Variants in FBXO34 observed in about 807,000 individuals in gnomAD.
The protein encoded by FBXO34 is F-box protein 34, also known as F-box only protein 34.
A neutral mutation model predicts 24.5 loss-of-function variants in FBXO34; 12 were observed. The observed-to-expected ratio is 0.49, with a 90% CI of 0.31 to 0.79. The LOEUF (loss-of-function observed/expected upper bound fraction) is 0.79, where lower values mean the gene tolerates loss of function less well. FBXO34 is among the 30% of genes least tolerant of loss of function. The probability of loss-of-function intolerance (pLI) is 0.04; values close to 1 mark genes in which losing one functional copy is unlikely to be tolerated. For missense variants in FBXO34, 823 were observed against 857.7 expected, an observed-to-expected ratio of 0.96 and a Z score of 0.51; for synonymous variants, 320 against 311.9, an observed-to-expected ratio of 1.03 and a Z score of -0.27.
downstream of FBXO34, chr14:55,369,501 C>CAA: frequency 3.8e-6 from 4 of 1,050,098 alleles, no homozygotes; most frequent in Non-Finnish European, 5.3e-6. Flanking sequence ...CAAAACAAAA[C>CAA]AACACTTTAA....
chr14:55,300,085 T>G (rs927939428), intron 1 of FBXO34, among the ~76,000 whole-genome samples: 4 of 152,154 alleles, frequency 2.6e-5, no homozygotes, highest in Non-Finnish European at 5.9e-5. Flanking sequence ...TATCACCCCT[T>G]CATTCTTTAA....
chr14:55,344,130 T>C (rs1036621002), intron 1 of FBXO34, among the ~76,000 whole-genome samples: 5 of 152,188 alleles, frequency 3.3e-5, no homozygotes, highest in African/African-American at 9.6e-5. Flanking sequence ...CTGTCCTTCA[T>C]AGCCAAGCTT....
At chr14:55,386,049 T>C in the FBXO34 span, 1 of 1,613,478 alleles carries the variant, frequency 6.2e-7, no homozygotes, top group Non-Finnish European at 8.5e-7. Context: ...TGTGCTCGAC[T>C]GTAAAGCTTC....
At chr14:55,288,235 A>C (rs1265303782) in intron 1 of FBXO34, among the ~76,000 whole-genome samples, 1 of 152,222 alleles carries the variant, frequency 6.6e-6, no homozygotes, top group African/African-American at 2.4e-5. Context: ...GTGAGAAACA[A>C]GGTTTTCCAA....
At chr14:55,360,004 C>T (rs1483281973) in intron 3 of FBXO34, among the ~76,000 whole-genome samples, 2 of 152,008 alleles carry the variant, frequency 1.3e-5, no homozygotes, top group African/African-American at 4.8e-5. Context: ...CACTTGGGCC[C>T]AGGACGTCGA....
chr14:55,289,807 A>G (rs1036455618), intron 1 of FBXO34, among the ~76,000 whole-genome samples: 8 of 152,158 alleles, frequency 5.3e-5, no homozygotes, highest in African/African-American at 1.2e-4. Flanking sequence ...TTGGCCTCAC[A>G]AAGTGCTGGG....
At chr14:55,318,171 A>G (rs1216837737) in intron 1 of FBXO34, 1 of 151,594 alleles carries the variant, frequency 6.6e-6, no homozygotes, top group Non-Finnish European at 1.5e-5. Flanking sequence ...TTATGTCTTT[A>G]CATTTCCCTA....
intron 1 of FBXO34, among the ~76,000 whole-genome samples, chr14:55,313,216 A>G (rs978111191): frequency 6.6e-6 from 1 of 152,168 alleles, no homozygotes; most frequent in African/African-American, 2.4e-5. Flanking sequence ...AGGTAGGGGC[A>G]AAATGTTACC....
At chr14:55,435,894 G>T in the FBXO34 span, 1 of 1,576,874 alleles carries the variant, frequency 6.3e-7, no homozygotes, top group Non-Finnish European at 8.6e-7. Flanking sequence ...ATTTTCTTCA[G>T]ATCCAACTTA....
intron 1 of FBXO34, among the ~76,000 whole-genome samples, chr14:55,302,291 GAGAT>G (rs748078439): frequency 7.2e-5 from 11 of 152,282 alleles, no homozygotes; most frequent in East Asian, 5.8e-4. Flanking sequence ...CAGCTATATA[GAGAT>G]AGATAGGTAG....
At chr14:55,330,024 T>C (rs750107416) in intron 1 of FBXO34, among the ~76,000 whole-genome samples, 14 of 152,274 alleles carry the variant, frequency 9.2e-5, no homozygotes, top group Admixed American at 2.0e-4. Context: ...AGTTTTAGAT[T>C]TGTGCGTTTC....
downstream of FBXO34, among the ~76,000 whole-genome samples, chr14:55,354,193 A>G (rs1884484917): frequency 6.6e-6 from 1 of 152,194 alleles, no homozygotes; most frequent in South Asian, 2.1e-4. Context: ...TTTTCCTTCA[A>G]GAGTGTTTTT....
At chr14:55,420,922 A>T in the FBXO34 span, among the ~76,000 whole-genome samples, 1 of 151,958 alleles carries the variant, frequency 6.6e-6, no homozygotes, top group Non-Finnish European at 1.5e-5. Context: ...TTAGCTGGGC[A>T]TAGTGGCAGG....
chr14:55,412,031 G>T, the FBXO34 span, among the ~76,000 whole-genome samples: 2 of 152,230 alleles, frequency 1.3e-5, no homozygotes, highest in African/African-American at 4.8e-5. Context: ...TTATATTAGA[G>T]GGGCTAGTCG....
intron 1 of FBXO34, among the ~76,000 whole-genome samples, chr14:55,331,573 A>G (rs912653937): frequency 6.9e-6 from 1 of 145,572 alleles, no homozygotes. Context: ...ACACACACAC[A>G]TACCAACATG....
At chr14:55,389,356 C>T in the FBXO34 span, among the ~76,000 whole-genome samples, 1 of 152,246 alleles carries the variant, frequency 6.6e-6, no homozygotes, top group Admixed American at 6.5e-5. Context: ...GAACAAAGAG[C>T]CTTTGGAGAA....
intron 1 of FBXO34, among the ~76,000 whole-genome samples, chr14:55,338,862 C>T (rs897268969): frequency 4.0e-5 from 6 of 151,058 alleles, no homozygotes; most frequent in African/African-American, 7.3e-5. Flanking sequence ...GCTGAGATTG[C>T]GCCACTGCAC....
chr14:55,330,367 GT>G (rs1883492487), intron 1 of FBXO34, among the ~76,000 whole-genome samples: 1 of 152,082 alleles, frequency 6.6e-6, no homozygotes, highest in South Asian at 2.1e-4. Context: ...TTACCCTGAT[GT>G]TCTCATCCCA....
chr14:55,436,542 A>T, the FBXO34 span: 2 of 1,606,254 alleles, frequency 1.2e-6, no homozygotes, highest in South Asian at 2.2e-5. Context: ...GCTCAATTAA[A>T]ACAAAAATAA....
Sources: allele counts gnomAD v4.1 joint callset (sites outside exome capture counted in the v4.1 genomes callset), GRCh38; gene constraint gnomAD v4.1.1; transcripts MANE v1.5; gene names NCBI Gene and HGNC (gene_info 2026-07-23, HGNC 2026-07-21).